The following COG5 variants were observed in gnomAD, a reference collection of about 807,000 sequenced individuals.
COG5 encodes conserved oligomeric Golgi complex subunit 5.
COG5 carries 86 observed loss-of-function variants against 110.4 expected under a neutral mutation model. That is an observed-to-expected ratio of 0.78 (90% CI 0.65 to 0.93). The LOEUF (loss-of-function observed/expected upper bound fraction) is 0.93, where lower values mean the gene tolerates loss of function less well. Ranked by LOEUF, COG5 falls within the 40% of genes least tolerant of loss-of-function variation. The probability of loss-of-function intolerance (pLI) is 0.00; values close to 1 mark genes in which losing one functional copy is unlikely to be tolerated. For missense variants in COG5, 1,077 were observed against 987.0 expected, an observed-to-expected ratio of 1.09 and a Z score of -1.22; for synonymous variants, 360 against 334.6, an observed-to-expected ratio of 1.08 and a Z score of -0.83.
chr7:107,390,501 T>C (rs1422072934), intron 7 of COG5, among the ~76,000 whole-genome samples: 1 of 152,028 alleles, frequency 6.6e-6, no homozygotes, highest in Non-Finnish European at 1.5e-5. Context: ...TACCATGGAA[T>C]CAATCAATCC....
chr7:107,555,151 C>T (rs116475645), intron 2 of COG5, among the ~76,000 whole-genome samples: 2,242 of 152,192 alleles, frequency 0.015, 56 homozygotes, highest in African/African-American at 0.052. Flanking sequence ...TGTCACATAC[C>T]CACAGCAAAT....
Position 107,548,338 on chromosome 7 carries a change from A to G in COG5, c.293-6T>C. 6.2e-7 allele frequency: 1 copy of G among 1,613,704 alleles called. No homozygotes were observed. The highest frequency in any genetic ancestry group is 8.5e-7 in the Non-Finnish European group (1 of 1,179,588). On this transcript the variant is annotated splice_polypyrimidine_tract_variant and splice_region_variant and intron_variant, in intron 3 of 21. Transcript: ENST00000297135. ...CTGCATCATCTGAAGAACACCTAGG[A>G]AAACATAAGTTTACATTGGCTTTAC...
intron 6 of COG5, among the ~76,000 whole-genome samples, chr7:107,464,095 G>T (rs1308140331): frequency 6.6e-6 from 1 of 152,082 alleles, no homozygotes; most frequent in East Asian, 1.9e-4. Flanking sequence ...AGAATAGAGG[G>T]GGTAGAGAAA....
chr7:107,292,031 CT>C (rs893442615), intron 12 of COG5, among the ~76,000 whole-genome samples: 1 of 151,688 alleles, frequency 6.6e-6, no homozygotes, highest in Non-Finnish European at 1.5e-5. Context: ...CTTTCTTTGC[CT>C]TTCTTTTTCT....
At chr7:107,302,421 G>A (rs1304925046) in intron 11 of COG5, among the ~76,000 whole-genome samples, 1 of 152,226 alleles carries the variant, frequency 6.6e-6, no homozygotes, top group Non-Finnish European at 1.5e-5. Flanking sequence ...GGAAACTTTT[G>A]GCAGTGATGA....
At chr7:107,475,746 G>A (rs1796937549) in intron 6 of COG5, 1 of 171,112 alleles carries the variant, frequency 5.8e-6, no homozygotes, top group Admixed American at 6.4e-5. Context: ...ACAAACTACA[G>A]ATATATTTAG....
Position 107,236,436 on chromosome 7 carries a change from A to G in COG5, c.2091+14T>C. 6.3e-7 allele frequency: 1 copy of G among 1,578,042 alleles called. No individual in the cohort carries two copies. The highest frequency in any genetic ancestry group is 8.7e-7 in the Non-Finnish European group (1 of 1,147,104). ...CCAAAACATTTTTTCTTTTGTAGTA[A>G]TTCATCAATGTACCTGTGCAAAATC... On this transcript the variant is annotated intron_variant, in intron 18 of 21. Coordinates refer to ENST00000297135, the MANE Select transcript of COG5 (RefSeq NM_006348.5).
At chr7:107,492,812 G>A (rs1226957938) in intron 6 of COG5, among the ~76,000 whole-genome samples, 1 of 152,110 alleles carries the variant, frequency 6.6e-6, no homozygotes, top group Admixed American at 6.6e-5. Flanking sequence ...CTTTTGCAAT[G>A]TAAGTTAACA....
At chr7:107,448,865 AAT>A (rs1044165235) in intron 6 of COG5, among the ~76,000 whole-genome samples, 34 of 152,302 alleles carry the variant, frequency 2.2e-4, no homozygotes, top group African/African-American at 7.7e-4. Flanking sequence ...AATTAAGAAA[AAT>A]ATATGTCATG....
chr7:107,472,447 A>G (rs539736564), intron 6 of COG5: 2 of 152,014 alleles, frequency 1.3e-5, no homozygotes, highest in African/African-American at 4.8e-5. Context: ...AACATTTACG[A>G]AAGAACAGAA....
At chr7:107,371,777 A>C (rs182559950) in intron 8 of COG5, among the ~76,000 whole-genome samples, 92 of 152,258 alleles carry the variant, frequency 6.0e-4, no homozygotes, top group African/African-American at 2.1e-3. Flanking sequence ...AAACATTGTC[A>C]ACCTGGTAGA....
chr7:107,209,470 G>A (rs1006848868), intron 21 of COG5: 6 of 160,344 alleles, frequency 3.7e-5, no homozygotes, highest in Admixed American at 1.3e-4. Context: ...CCCATCCAGA[G>A]GCAGTCACAG....
intron 7 of COG5, among the ~76,000 whole-genome samples, chr7:107,407,694 G>A (rs1210052868): frequency 2.0e-5 from 3 of 151,002 alleles, no homozygotes. Context: ...ATCAGGAAAG[G>A]CTATTTGGGG....
At chr7:107,453,452 T>A (rs1795470854) in intron 6 of COG5, among the ~76,000 whole-genome samples, 1 of 152,146 alleles carries the variant, frequency 6.6e-6, no homozygotes, top group Non-Finnish European at 1.5e-5. Context: ...TTCCTGAACA[T>A]CAGCAAAACC....
chr7:107,412,433 C>T, intron 7 of COG5, 69 bp downstream of exon 7: 2 of 1,490,668 alleles, frequency 1.3e-6, no homozygotes, highest in Non-Finnish European at 1.9e-6. Context: ...CTTTTTTGAA[C>T]TCAAAGTCAA....
In COG5 at chr7:107,203,460, A is replaced by T; in HGVS notation, c.*56T>A. On this transcript the variant is annotated 3_prime_UTR_variant, in exon 22 of 22. Transcript: ENST00000297135. ...AGCAGTCTTTTGGAGTATGTGTTTA[A>T]CTGCCAACTATGAATGGGTTAGCAC... 1 of 1,163,014 alleles carries T rather than the reference A, an allele frequency of 8.6e-7. No homozygotes were observed. The highest frequency in any genetic ancestry group is 1.3e-6 in the Non-Finnish European group (1 of 768,618). The allele number at this position is 1,163,014 out of a possible 1,614,324, so 72.0% of individuals were successfully genotyped here.
chr7:107,308,202 G>C (rs932702856), intron 11 of COG5, among the ~76,000 whole-genome samples: 1 of 152,110 alleles, frequency 6.6e-6, no homozygotes, highest in Non-Finnish European at 1.5e-5. Context: ...TGTATTTCCT[G>C]TAAATCATCA....
chr7:107,257,311 GA>G (rs1802963767), intron 15 of COG5, among the ~76,000 whole-genome samples: 1 of 151,946 alleles, frequency 6.6e-6, no homozygotes, highest in Admixed American at 6.6e-5. Context: ...AAAGAAAATG[GA>G]AAATACATCA....
intron 6 of COG5, among the ~76,000 whole-genome samples, chr7:107,499,675 T>C (rs573595212): frequency 6.0e-4 from 92 of 152,232 alleles, no homozygotes; most frequent in African/African-American, 2.2e-3. Flanking sequence ...CCCTAAGTGC[T>C]AGGAGGTGTC....
Sources: gnomAD v4.1 joint callset for allele counts (sites outside exome capture counted in the v4.1 genomes callset) on GRCh38, gnomAD v4.1.1 for gene constraint, MANE v1.5 for transcripts, NCBI Gene and HGNC (gene_info 2026-07-23, HGNC 2026-07-21) for gene names.